IPO11: variants seen among roughly 807,000 people sequenced by gnomAD.
IPO11 encodes importin 11.
A neutral mutation model predicts 143.2 loss-of-function variants in IPO11; 66 were observed. The observed-to-expected ratio is 0.46, with a 90% confidence interval of 0.38 to 0.57. The LOEUF (loss-of-function observed/expected upper bound fraction) is 0.57, where lower values mean the gene tolerates loss of function less well. IPO11 is among the 20% of genes least tolerant of loss of function. The pLI, the probability that IPO11 is intolerant of heterozygous loss-of-function variation, is 0.00. For missense variants in IPO11, 1,026 were observed against 1,141.0 expected (o/e 0.90, Z 1.45); for synonymous variants, 385 against 377.8 (o/e 1.02, Z -0.22).
At chr5:62,571,627 A>G (rs1028224704) in intron 27 of IPO11, among the ~76,000 whole-genome samples, 21 of 151,368 alleles carry the variant, frequency 1.4e-4, no homozygotes, top group Admixed American at 1.3e-3. Flanking sequence ...TTGACAATAC[A>G]TTTTTCATAT....
intron 27 of IPO11, among the ~76,000 whole-genome samples, chr5:62,569,766 G>A (rs780329336): frequency 6.6e-6 from 1 of 152,194 alleles, no homozygotes. Flanking sequence ...CAGGACTTCA[G>A]ATGTTGAAAT....
In IPO11 at chr5:62,464,725, T is replaced by A. The variant is rs116804058; in HGVS notation, c.517-2406T>A. Among the ~76,000 whole-genome samples, 1,392 of 152,116 alleles carry A rather than the reference T, an allele frequency of 9.2e-3. 20 individuals are homozygous for A. Among genetic ancestry groups the A allele is most frequent in the African/African-American group, 0.032 (1,312 of 41,498 alleles). On this transcript the variant is annotated intron_variant, in intron 5 of 29. Coordinates refer to ENST00000325324, the MANE Select transcript of IPO11 (RefSeq NM_016338.5). ...CTGACCCCAGGTGATCATCTGCCTC[T>A]GCCTCCCAAAGCACTGACATTACAG...
intron 16 of IPO11, among the ~76,000 whole-genome samples, chr5:62,497,593 C>T (rs577816824): frequency 3.9e-5 from 6 of 152,106 alleles, no homozygotes; most frequent in Non-Finnish European, 8.8e-5. Context: ...ATCAGCCTCT[C>T]GAGTTGCTAG....
At chr5:62,509,293 A>T (rs532219631) in intron 19 of IPO11, among the ~76,000 whole-genome samples, 15 of 152,356 alleles carry the variant, frequency 9.8e-5, no homozygotes, top group African/African-American at 3.6e-4. Flanking sequence ...TGAAAATTTT[A>T]TCTAAAAGAT....
chr5:62,619,451 A>G (rs1279850759), intron 29 of IPO11, among the ~76,000 whole-genome samples: 1 of 152,244 alleles, frequency 6.6e-6, no homozygotes, highest in African/African-American at 2.4e-5. Flanking sequence ...GTAAATTACT[A>G]TCAGCAAATT....
intron 6 of IPO11, among the ~76,000 whole-genome samples, chr5:62,468,715 A>G: frequency 6.6e-6 from 1 of 152,162 alleles, no homozygotes; most frequent in Non-Finnish European, 1.5e-5. Context: ...GACGAAAAAG[A>G]TGTAGCTTTA....
chr5:62,605,777 C>T (rs73110006), intron 29 of IPO11, among the ~76,000 whole-genome samples: 2,010 of 151,360 alleles, frequency 0.013, 42 homozygotes, highest in African/African-American at 0.047. Context: ...GCTCTGTTGT[C>T]CAGGTTGGAG....
Position 62,489,179 on chromosome 5 carries a change from C to T in IPO11, c.1310-123C>T, listed in dbSNP as rs1320257166. The T allele has an allele frequency of 4.6e-5, 22 of 476,850 alleles. 1 individual carries two copies. The South Asian group carries it at 9.5e-4, about 21-fold the overall frequency. The allele number at this position is 476,850 out of a possible 1,614,324, so 29.5% of individuals were successfully genotyped here. A position where few individuals can be genotyped will look rare whatever the true frequency, so the allele number is the denominator to read the frequency against. ...CCTTTGTACTTGTGTCCATTTTTGA[C>T]ACCATGAAATGTGTTATACTTAATT... On this transcript the variant is annotated intron_variant, in intron 13 of 29. Transcript: ENST00000325324.
At chr5:62,556,320 G>A (rs1011845831) in intron 26 of IPO11, among the ~76,000 whole-genome samples, 1 of 152,114 alleles carries the variant, frequency 6.6e-6, no homozygotes, top group African/African-American at 2.4e-5. Flanking sequence ...GTGAGACTCT[G>A]TCTCAAAAAT....
At chr5:62,603,082 A>G (rs758183632) in intron 29 of IPO11, among the ~76,000 whole-genome samples, 1 of 152,242 alleles carries the variant, frequency 6.6e-6, no homozygotes, top group Non-Finnish European at 1.5e-5. Context: ...AGAAAAACAT[A>G]TAATGAACCT....
At chr5:62,482,182 C>A (rs1173898946) in intron 9 of IPO11, among the ~76,000 whole-genome samples, 2 of 152,056 alleles carry the variant, frequency 1.3e-5, no homozygotes, top group African/African-American at 4.8e-5. Context: ...CTCTTTTCTT[C>A]TTTATTAGTC....
intron 3 of IPO11, among the ~76,000 whole-genome samples, chr5:62,449,457 T>A (rs1284417603): frequency 6.6e-6 from 1 of 152,180 alleles, no homozygotes; most frequent in Non-Finnish European, 1.5e-5. Flanking sequence ...TCACACAGAT[T>A]TTATGAAAGA....
intron 28 of IPO11, among the ~76,000 whole-genome samples, chr5:62,591,912 C>T (rs552977473): frequency 3.3e-5 from 5 of 152,122 alleles, no homozygotes; most frequent in Admixed American, 1.3e-4. Context: ...TGCAGTGGTG[C>T]GATCTCAGCT....
chr5:62,617,714 A>G (rs1038832263), intron 29 of IPO11, among the ~76,000 whole-genome samples: 8 of 152,130 alleles, frequency 5.3e-5, no homozygotes, highest in Non-Finnish European at 1.0e-4. Flanking sequence ...CCTAAATTGC[A>G]CTGCCAAAAC....
At chr5:62,613,931 C>T (rs1008878208) in intron 29 of IPO11, among the ~76,000 whole-genome samples, 1 of 152,200 alleles carries the variant, frequency 6.6e-6, no homozygotes, top group Non-Finnish European at 1.5e-5. Context: ...TCACCCCAAG[C>T]CTTCAAGTCT....
At chr5:62,625,661 A>G (rs1434285167) in intron 29 of IPO11, among the ~76,000 whole-genome samples, 1 of 152,242 alleles carries the variant, frequency 6.6e-6, no homozygotes, top group African/African-American at 2.4e-5. Context: ...TCCGATCTAT[A>G]TTCTAGTTGT....
At chr5:62,430,711 T>C in intron 1 of IPO11, among the ~76,000 whole-genome samples, 1 of 151,190 alleles carries the variant, frequency 6.6e-6, no homozygotes, top group Non-Finnish European at 1.5e-5. Flanking sequence ...CAGAGCCTTG[T>C]TCTGTCGCGA....
chr5:62,625,919 A>T (rs1379846144), intron 29 of IPO11, among the ~76,000 whole-genome samples: 1 of 152,252 alleles, frequency 6.6e-6, no homozygotes, highest in Non-Finnish European at 1.5e-5. Context: ...TTAATTTGGA[A>T]TACTTTTAGG....
At chr5:62,602,685 T>C (rs1465447594) in intron 29 of IPO11, among the ~76,000 whole-genome samples, 2 of 152,222 alleles carry the variant, frequency 1.3e-5, no homozygotes, top group Non-Finnish European at 2.9e-5. Context: ...ATCCTTAGCT[T>C]ATAGCTAACA....
Sources: gnomAD v4.1 joint callset for allele counts (sites outside exome capture counted in the v4.1 genomes callset) on GRCh38, gnomAD v4.1.1 for gene constraint, MANE v1.5 for transcripts, NCBI Gene and HGNC (gene_info 2026-07-23, HGNC 2026-07-21) for gene names.